The following ZNF875 variants were observed in gnomAD, a reference collection of about 807,000 sequenced individuals.
ZNF875 encodes the protein HKR1, GLI-Kruppel zinc finger family member.
In ZNF875, 14 loss-of-function variants were observed where a neutral mutation model predicts 11.2. That is an observed-to-expected ratio of 1.26 (90% CI 0.83 to 1.96). The LOEUF is 1.96. Among genes scored for constraint, ZNF875 ranks in the 30% most tolerant of loss-of-function variants. The pLI, the probability that ZNF875 is intolerant of heterozygous loss-of-function variation, is 0.00. For missense variants in ZNF875, 752 were observed against 760.4 expected (o/e 0.99, Z 0.13); for synonymous variants, 301 against 281.1 (o/e 1.07, Z -0.71).
chr19:37,345,049 C>T, intron 2 of ZNF875: 1 of 347,808 alleles, frequency 2.9e-6, no homozygotes, highest in Non-Finnish European at 5.5e-6. Flanking sequence ...ATGAACTTTT[C>T]CTGATCCTCA....
intron 4 of ZNF875, among the ~76,000 whole-genome samples, chr19:37,350,287 T>C (rs2037626290): frequency 2.0e-5 from 3 of 151,736 alleles, no homozygotes; most frequent in Admixed American, 2.0e-4. Context: ...CTTTTTTGTA[T>C]TTTTAGTGTT....
In ZNF875 at chr19:37,347,781, T is replaced by G; in HGVS notation, c.165T>G (p.Ile55Met). 1.2e-6 allele frequency: 2 copies of G among 1,609,022 alleles called. No individual in the cohort carries two copies. Among genetic ancestry groups the G allele is most frequent in the Non-Finnish European group, 1.7e-6 (2 of 1,175,418 alleles). ...ETYNHLVSLE[I>M]PSSKPKLIAQ... is the part of the protein sequence containing the mutation. ...CATTTTCTTCCCTATGAACAGAAAT[T>G]CCATCTTCTAAACCAAAACTCATTG... is the stretch of plus-strand genomic sequence containing the variant. The change falls in exon 4 of 5, where the codon ATT becomes ATG. Residue 55 changes from isoleucine to methionine, a missense_variant. Physicochemically the swap from Ile to Met is conservative, Grantham distance 10. Coordinates refer to ENST00000392153, the MANE Select transcript of ZNF875 (RefSeq NM_001353803.2).
chr19:37,342,691 TGTGAGCCACCACGCCTGGCCCAA>T (rs1394572820), intron 2 of ZNF875, among the ~76,000 whole-genome samples: 2 of 152,154 alleles, frequency 1.3e-5, no homozygotes, highest in Non-Finnish European at 2.9e-5. Flanking sequence ...GGATTACAAA[TGTGAGCCACCACGCCTGGCCCAA>T]GTGAAACTTT....
chr19:37,359,101 T>C (rs2039463350), intron 4 of ZNF875, among the ~76,000 whole-genome samples: 1 of 151,512 alleles, frequency 6.6e-6, no homozygotes. Context: ...GGTTTCTCCA[T>C]GTTGGTCAGG....
In ZNF875 at chr19:37,363,803, A is replaced by G; in HGVS notation, c.*28A>G. ...ACTTTATGTGTATAGGGAATGTGGT[A>G]CAGCCTTTAGCCAGGAGTCATACTT... is the stretch of plus-strand genomic sequence containing the variant. On this transcript the variant is annotated 3_prime_UTR_variant, in exon 5 of 5. Transcript: ENST00000392153. 6.3e-7 allele frequency: 1 copy of G among 1,585,470 alleles called. No individual in the cohort carries two copies. The highest frequency in any genetic ancestry group is 8.7e-7 in the Non-Finnish European group (1 of 1,155,914).
At chr19:37,317,353 A>AT (rs2030300886), upstream of ZNF875, among the ~76,000 whole-genome samples, 1 of 151,726 alleles carries the variant, frequency 6.6e-6, no homozygotes, top group Middle Eastern at 3.4e-3. Flanking sequence ...CGCCCGGCTA[A>AT]TTTTTTGTAT....
At chr19:37,361,092 ATTTTGTTTGTCTTCTCCTT>A (rs2039825390) in intron 4 of ZNF875, among the ~76,000 whole-genome samples, 1 of 118,186 alleles carries the variant, frequency 8.5e-6, no homozygotes. Flanking sequence ...TTTTCTCCTC[ATTTTGTTTGTCTTCTCCTT>A]TTTTTTTTTT....
At chr19:37,314,926 A>T (rs2030120747), upstream of ZNF875, 1 of 152,148 alleles carries the variant, frequency 6.6e-6, no homozygotes, top group Admixed American at 6.5e-5. Flanking sequence ...CCACCCATTG[A>T]AAGTGTAAAA....
At chr19:37,354,437 A>C (rs1267294228) in intron 4 of ZNF875, among the ~76,000 whole-genome samples, 2 of 151,202 alleles carry the variant, frequency 1.3e-5, no homozygotes, top group Non-Finnish European at 2.9e-5. Flanking sequence ...GTTATTTGTT[A>C]TATTTTATCC....
intron 2 of ZNF875, chr19:37,344,744 C>T (rs768991575): frequency 6.2e-7 from 1 of 1,610,010 alleles, no homozygotes; most frequent in Non-Finnish European, 8.5e-7. Context: ...ACAGACAAAC[C>T]ATGAGTTGTT....
intron 2 of ZNF875, among the ~76,000 whole-genome samples, chr19:37,336,398 C>T (rs2034425329): frequency 6.7e-6 from 1 of 149,488 alleles, no homozygotes; most frequent in African/African-American, 2.5e-5. Context: ...CTCCCAGGTT[C>T]ACACCATTCT....
chr19:37,332,247 C>T (rs1486699568), upstream of ZNF875, among the ~76,000 whole-genome samples: 6 of 149,244 alleles, frequency 4.0e-5, no homozygotes, highest in East Asian at 2.0e-4. Context: ...ATATGCTGAA[C>T]GCTGGTTCCC....
chr19:37,361,949 G>T (rs968387425), intron 4 of ZNF875, 160 bp from the exon 5 acceptor site: 2 of 603,694 alleles, frequency 3.3e-6, no homozygotes, highest in South Asian at 2.1e-5. Flanking sequence ...AAAGTGTAAT[G>T]CATGAAGTGA....
Position 37,334,784 on chromosome 19 carries a change from T to C in ZNF875, c.-57+2T>C, listed in dbSNP as rs1448746700. On this transcript the variant is annotated splice_donor_variant, in intron 1 of 4. Transcript: ENST00000392153. LOFTEE classifies it low-confidence loss of function (5UTR_SPLICE). ...ATCCGCAGCGTGCACCCGCGTTCCG[T>C]GAGTGCCCTATAGGCAGTCAGCATG... is the stretch of plus-strand genomic sequence containing the variant. 3 of 456,772 alleles carry C rather than the reference T, an allele frequency of 6.6e-6. No homozygotes were observed. The highest frequency in any genetic ancestry group is 8.8e-6 in the Non-Finnish European group (2 of 227,274). The allele number at this position is 456,772 out of a possible 1,614,324, so 28.3% of individuals were successfully genotyped here.
At chr19:37,336,478 T>G (rs1257281892) in intron 2 of ZNF875, among the ~76,000 whole-genome samples, 4 of 151,040 alleles carry the variant, frequency 2.6e-5, no homozygotes, top group African/African-American at 9.7e-5. Context: ...TTTTTGTATT[T>G]TTAGTAGAGA....
chr19:37,358,052 G>A (rs2039220555), intron 4 of ZNF875: 4 of 350,846 alleles, frequency 1.1e-5, no homozygotes, highest in Non-Finnish European at 2.0e-5. Context: ...ATGTTCCTTT[G>A]ATGCCTAGTT....
At chr19:37,352,657 A>G (rs1222713088) in intron 4 of ZNF875, among the ~76,000 whole-genome samples, 1 of 152,016 alleles carries the variant, frequency 6.6e-6, no homozygotes, top group African/African-American at 2.4e-5. Flanking sequence ...TAGACAGCAT[A>G]TAGTTGATTT....
At chr19:37,332,955 CTGAG>C (rs1487024689), upstream of ZNF875, among the ~76,000 whole-genome samples, 2 of 152,174 alleles carry the variant, frequency 1.3e-5, no homozygotes, top group Non-Finnish European at 2.9e-5. Context: ...GCACACAGCA[CTGAG>C]TAACTATCAC....
chr19:37,317,639 C>A (rs1021377034), upstream of ZNF875, among the ~76,000 whole-genome samples: 4 of 152,200 alleles, frequency 2.6e-5, no homozygotes, highest in African/African-American at 9.7e-5. Flanking sequence ...TGGTTTGGCG[C>A]AGCGGGTAGA....
Sources: allele counts gnomAD v4.1 joint callset (sites outside exome capture counted in the v4.1 genomes callset), GRCh38; gene constraint gnomAD v4.1.1; transcripts MANE v1.5; gene names NCBI Gene and HGNC (gene_info 2026-07-23, HGNC 2026-07-21).